TRIM44: variants seen among roughly 807,000 people sequenced by gnomAD.
TRIM44 encodes tripartite motif-containing protein 44.
TRIM44 carries 13 observed loss-of-function variants against 37.4 expected under a neutral mutation model. The observed-to-expected ratio is 0.35, with a 90% confidence interval of 0.23 to 0.55. The LOEUF is 0.55. TRIM44 is among the 20% of genes least tolerant of loss of function. The pLI is 0.89. For synonymous variants in TRIM44, 175 were observed against 157.2 expected, an observed-to-expected ratio of 1.11 and a Z score of -0.85; for missense variants, 426 against 437.2, an observed-to-expected ratio of 0.97 and a Z score of 0.23.
At chr11:35,764,370 T>A (rs1045682437) in intron 4 of TRIM44, among the ~76,000 whole-genome samples, 2 of 152,132 alleles carry the variant, frequency 1.3e-5, no homozygotes, top group Non-Finnish European at 2.9e-5. Context: ...TCTTTCAACT[T>A]CTCTTTCAGG....
At chr11:35,702,667 G>A (rs982414308) in intron 2 of TRIM44, among the ~76,000 whole-genome samples, 2 of 152,312 alleles carry the variant, frequency 1.3e-5, no homozygotes, top group African/African-American at 4.8e-5. Flanking sequence ...CACATAGTTT[G>A]TGCGTGTGTG....
At chr11:35,740,106 A>C (rs1352515861) in intron 4 of TRIM44, among the ~76,000 whole-genome samples, 1 of 150,336 alleles carries the variant, frequency 6.7e-6, no homozygotes, top group Non-Finnish European at 1.5e-5. Flanking sequence ...TAAAAAAAAA[A>C]AAAAAAAAAA....
At chr11:35,715,449 C>T (rs1852028972) in intron 2 of TRIM44, among the ~76,000 whole-genome samples, 1 of 150,762 alleles carries the variant, frequency 6.6e-6, no homozygotes, top group Admixed American at 6.6e-5. Flanking sequence ...TGTGGGTGTA[C>T]ACAAGGACAT....
intron 2 of TRIM44, 106 bp from the exon 3 acceptor site, chr11:35,725,818 A>G: frequency 8.2e-7 from 1 of 1,215,626 alleles, no homozygotes; most frequent in Non-Finnish European, 1.1e-6. Context: ...TTAGGATTGG[A>G]TAGGATCCAT....
chr11:35,783,456 G>A (rs1404477781), intron 4 of TRIM44, among the ~76,000 whole-genome samples: 1 of 152,098 alleles, frequency 6.6e-6, no homozygotes, highest in Non-Finnish European at 1.5e-5. Context: ...ATAGAATCCA[G>A]CAACACATTA....
intron 4 of TRIM44, among the ~76,000 whole-genome samples, chr11:35,790,627 A>G (rs527922949): frequency 2.0e-5 from 3 of 152,312 alleles, no homozygotes; most frequent in Non-Finnish European, 4.4e-5. Context: ...ACTGAACTGC[A>G]GTACAAGGAG....
chr11:35,783,196 C>A (rs1853087437), intron 4 of TRIM44, among the ~76,000 whole-genome samples: 2 of 152,104 alleles, frequency 1.3e-5, no homozygotes, highest in Non-Finnish European at 2.9e-5. Context: ...GACATAAGTT[C>A]CCCAGGATCA....
chr11:35,668,960 T>C (rs1851362119), intron 1 of TRIM44, among the ~76,000 whole-genome samples: 1 of 152,226 alleles, frequency 6.6e-6, no homozygotes. Context: ...GCTATTCCTT[T>C]AAGAACTGTA....
rs1057250091 is a variant in TRIM44 at position 35,772,642 on chromosome 11, T to A, written c.1008-33716T>A. ...TTTCATGGGGCTGGTAGCCCCTTTGTTTTGGCCAATTTCCCCCATTTGGAA... is the reference window on the plus strand; with the variant it reads ...TTTCATGGGGCTGGTAGCCCCTTTGATTTGGCCAATTTCCCCCATTTGGAA... On this transcript the variant is annotated intron_variant, in intron 4 of 4. Transcript: ENST00000299413. Among the ~76,000 whole-genome samples, 7 of 152,098 alleles carry A rather than the reference T, an allele frequency of 4.6e-5. No homozygotes were observed. In the South Asian group the frequency reaches 1.0e-3, roughly 23 times the overall value.
chr11:35,666,206 A>G (rs1232859875), intron 1 of TRIM44, among the ~76,000 whole-genome samples: 1 of 152,150 alleles, frequency 6.6e-6, no homozygotes, highest in Non-Finnish European at 1.5e-5. Flanking sequence ...AAGTGCCCAT[A>G]ATATGTGTGA....
intron 4 of TRIM44, among the ~76,000 whole-genome samples, chr11:35,763,139 C>T (rs1352336022): frequency 2.0e-5 from 3 of 151,996 alleles, no homozygotes; most frequent in African/African-American, 7.3e-5. Flanking sequence ...AAAGGTGAGC[C>T]CCTATGTGGG....
chr11:35,717,384 A>G (rs1852050604), intron 2 of TRIM44, among the ~76,000 whole-genome samples: 1 of 152,090 alleles, frequency 6.6e-6, no homozygotes, highest in Non-Finnish European at 1.5e-5. Context: ...AAGTGTTTGT[A>G]TGTTACTTTT....
chr11:35,676,580 A>C (rs1159517737), intron 1 of TRIM44, among the ~76,000 whole-genome samples: 1 of 152,186 alleles, frequency 6.6e-6, no homozygotes, highest in East Asian at 1.9e-4. Flanking sequence ...TCTGTTTTAC[A>C]TTCTGAACTG....
At chr11:35,751,214 AT>A (rs1852555681) in intron 4 of TRIM44, among the ~76,000 whole-genome samples, 2 of 152,370 alleles carry the variant, frequency 1.3e-5, no homozygotes, top group South Asian at 4.1e-4. Flanking sequence ...AAGTCATTGC[AT>A]AAAGTGGGCC....
At chr11:35,684,537 A>G (rs1242781068) in intron 1 of TRIM44, among the ~76,000 whole-genome samples, 1 of 152,240 alleles carries the variant, frequency 6.6e-6, no homozygotes, top group East Asian at 1.9e-4. Context: ...GTTAGGCCCC[A>G]AAATAGCCCA....
At chr11:35,718,603 G>T (rs567349737) in intron 2 of TRIM44, among the ~76,000 whole-genome samples, 2 of 152,172 alleles carry the variant, frequency 1.3e-5, no homozygotes, top group East Asian at 3.9e-4. Context: ...TTTATAGTTT[G>T]CATTAGGATT....
At chr11:35,776,704 C>T (rs565205803) in intron 4 of TRIM44, among the ~76,000 whole-genome samples, 3 of 152,292 alleles carry the variant, frequency 2.0e-5, no homozygotes, top group South Asian at 4.1e-4. Flanking sequence ...GCCTTCATTT[C>T]GTTGTGCACC....
intron 2 of TRIM44, among the ~76,000 whole-genome samples, chr11:35,690,234 CAAG>C (rs1303775060): frequency 1.3e-5 from 2 of 152,038 alleles, no homozygotes; most frequent in African/African-American, 4.8e-5. Flanking sequence ...TAAATAAACC[CAAG>C]AATGGTTTTC....
At chr11:35,731,757 T>TGG (rs1191136431) in intron 3 of TRIM44, among the ~76,000 whole-genome samples, 1 of 152,224 alleles carries the variant, frequency 6.6e-6, no homozygotes. Context: ...AATACTGAGT[T>TGG]GCAATGAGCT....
Sources: allele counts gnomAD v4.1 joint callset (sites outside exome capture counted in the v4.1 genomes callset), GRCh38; gene constraint gnomAD v4.1.1; transcripts MANE v1.5; gene names NCBI Gene and HGNC (gene_info 2026-07-23, HGNC 2026-07-21).